The following NGFR variants were observed in gnomAD, a reference collection of about 807,000 sequenced individuals.
The protein encoded by NGFR is nerve growth factor receptor, also known as tumor necrosis factor receptor superfamily member 16.
A neutral mutation model predicts 43.2 loss-of-function variants in NGFR; 30 were observed. That is an observed-to-expected ratio of 0.69 (90% CI 0.52 to 0.94). The LOEUF (loss-of-function observed/expected upper bound fraction) is 0.94, where lower values mean the gene tolerates loss of function less well. Among genes scored for constraint, NGFR ranks in the 40% least tolerant of loss-of-function variants. The pLI, the probability that NGFR is intolerant of heterozygous loss-of-function variation, is 0.00. For synonymous variants in NGFR, 246 were observed against 259.6 expected, an observed-to-expected ratio of 0.95 and a Z score of 0.50; for missense variants, 529 against 602.5, an observed-to-expected ratio of 0.88 and a Z score of 1.28.
At chr17:49,506,701 T>TGGG in intron 3 of NGFR, 43 bp downstream of exon 3, 1 of 148,984 alleles carries the variant, frequency 6.7e-6, no homozygotes, top group East Asian at 1.4e-4. Flanking sequence ...GGTGCGGGGG[T>TGGG]GGGCTGGGGG....
intron 2 of NGFR, among the ~76,000 whole-genome samples, chr17:49,502,791 C>T (rs1487990626): frequency 6.6e-6 from 1 of 151,546 alleles, no homozygotes; most frequent in Non-Finnish European, 1.5e-5. Context: ...AGACGGGGAG[C>T]TGTGCCCATT....
intron 4 of NGFR, chr17:49,510,878 C>T (rs2143445802): frequency 1.7e-6 from 1 of 592,232 alleles, no homozygotes; most frequent in South Asian, 2.0e-5. Flanking sequence ...CTCTCCTGCC[C>T]TGTCCTGGCT....
Position 49,512,032 on chromosome 17 carries a change from C to G in NGFR, c.962C>G (p.Thr321Arg), listed in dbSNP as rs762741911. Residue 321 changes from threonine to arginine, a missense_variant, in exon 5 of 6, where the codon ACG becomes AGG. Coordinates refer to ENST00000172229, the MANE Select transcript of NGFR (RefSeq NM_002507.4). This position sits in a 1 kb window ranked among gnomAD's most constrained non-coding sequence, Gnocchi z 5.2. Reference protein sequence around the residue: ...SQSLHDQQPHTQTASGQALKG... With the variant: ...SQSLHDQQPHRQTASGQALKG... ...AGCCTGCATGACCAGCAGCCCCACA[C>G]GCAGACAGCCTCGGGCCAGGGTGAG... The G allele has an allele frequency of 1.2e-6, 2 of 1,613,570 alleles. No individual in the cohort carries two copies. Among genetic ancestry groups the G allele is most frequent in the Non-Finnish European group, 1.7e-6 (2 of 1,179,838 alleles).
At position 49,511,912 on chromosome 17, in the gene NGFR, A is replaced by T; in HGVS notation, c.842A>T (p.Asn281Ile). The change falls in exon 5 of 6, where the codon AAC becomes ATC. Residue 281 changes from asparagine (N) to isoleucine (I), a missense_variant. By Grantham distance (149) the Asn-to-Ile change is moderately radical. Transcript: ENST00000172229. ...TCCAGGTGGAACAGCTGCAAGCAGA[A>T]CAAGCAAGGAGCCAACAGCCGGCCA... ...AFKRWNSCKQ[N>I]KQGANSRPVN... 1 of 1,610,550 alleles carries T rather than the reference A, an allele frequency of 6.2e-7. No individual in the cohort carries two copies.
Position 49,513,768 on chromosome 17 carries a change from GC to G in NGFR, c.*761del, listed in dbSNP as rs1320091185. 2.0e-5 allele frequency: 3 copies of G among 152,252 alleles called. No homozygotes were observed. Among genetic ancestry groups the G allele is most frequent in the African/African-American group, 7.2e-5 (3 of 41,408 alleles). The allele number at this position is 152,252 out of a possible 1,614,324, so 9.4% of individuals were successfully genotyped here. Reference sequence around the variant, plus strand: ...AATGGCTTGAAGCCAAGTCAGCTTTGCCTTCCACGCTGTCTCCAGACCCCCA... The same window carrying G: ...AATGGCTTGAAGCCAAGTCAGCTTTGCTTCCACGCTGTCTCCAGACCCCCA... On this transcript the variant is annotated 3_prime_UTR_variant, in exon 6 of 6. Coordinates refer to ENST00000172229, the MANE Select transcript of NGFR (RefSeq NM_002507.4).
intron 1 of NGFR, chr17:49,496,562 G>A (rs2071139235): frequency 6.6e-6 from 1 of 152,286 alleles, no homozygotes; most frequent in South Asian, 2.1e-4. Context: ...TACGCAGGCG[G>A]GAGGCGGCAG....
At chr17:49,500,572 A>C (rs983348125) in intron 1 of NGFR, among the ~76,000 whole-genome samples, 35 of 152,294 alleles carry the variant, frequency 2.3e-4, no homozygotes, top group African/African-American at 8.4e-4. Flanking sequence ...TTCCTTGAGG[A>C]AGTGACATTT....
At chr17:49,501,999 A>AGGGGCCCCC in intron 1 of NGFR, 64 bp from the exon 2 acceptor site, 8 of 330,984 alleles carry the variant, frequency 2.4e-5, no homozygotes, top group East Asian at 6.4e-5. Context: ...TCCCCGGAAG[A>AGGGGCCCCC]ACCCCCCCCA....
Position 49,510,446 on chromosome 17 carries a change from C to G in NGFR, c.603C>G (p.Pro201=). ...GCCGTTGGATTACACGGTCCACACC[C>G]CCAGAGGGCTCGGACAGCACAGCCC... The part of the protein sequence containing the change: ...IPGRWITRST[P]PEGSDSTAPS... The change falls in exon 4 of 6, where the codon CCC becomes CCG. Residue 201 remains proline, a synonymous_variant. Transcript: ENST00000172229. The G allele has an allele frequency of 6.2e-7, 1 of 1,614,040 alleles. No individual in the cohort carries two copies. Among genetic ancestry groups the G allele is most frequent in the Non-Finnish European group, 8.5e-7 (1 of 1,179,990 alleles).
Position 49,506,375 on chromosome 17 carries a change from G to A in NGFR, c.285G>A (p.Met95Ile). 6.2e-7 allele frequency: 1 copy of A among 1,600,686 alleles called. No individual in the cohort carries two copies. Among genetic ancestry groups the A allele is most frequent in the Non-Finnish European group, 8.5e-7 (1 of 1,176,856 alleles). Residue 95 changes from methionine (M) to isoleucine (I), a missense_variant, in exon 3 of 6, where the codon ATG becomes ATA. Met to Ile is a conservative substitution (Grantham distance 10). Coordinates refer to ENST00000172229, the MANE Select transcript of NGFR (RefSeq NM_002507.4). ...CCGAGTGCGTGGGGCTCCAGAGCAT[G>A]TCGGCGCCGTGCGTGGAGGCCGACG... ...PCTECVGLQS[M>I]SAPCVEADDA...
Position 49,501,999 on chromosome 17 carries a change from A to ATGGCCCCCCCCCCCCC in NGFR, c.67-64_67-63insTGGCCCCCCCCCCCCC. The ATGGCCCCCCCCCCCCC allele has an allele frequency of 2.1e-5, 7 of 330,984 alleles. 1 individual carries two copies. The highest frequency in any genetic ancestry group is 3.5e-5 in the Admixed American group (1 of 28,320). The allele number at this position is 330,984 out of a possible 1,614,324, so 20.5% of individuals were successfully genotyped here. Reference sequence around the variant, plus strand: ...AGGAGGGTGTTTGATTCCCCGGAAGAACCCCCCCCAACCCACCCCAGCTTT... The same window carrying ATGGCCCCCCCCCCCCC: ...AGGAGGGTGTTTGATTCCCCGGAAGATGGCCCCCCCCCCCCCACCCCCCCCAACCCACCCCAGCTTT... On this transcript the variant is annotated intron_variant, in intron 1 of 5. Coordinates refer to ENST00000172229, the MANE Select transcript of NGFR (RefSeq NM_002507.4).
rs116828180 is a variant in NGFR at position 49,512,044 on chromosome 17, C to T, written c.974C>T (p.Ser325Leu). ...HDQQPHTQTA[S>L]GQALKGDGGL... ...CAGCAGCCCCACACGCAGACAGCCTCGGGCCAGGGTGAGCAGCGGCCCGCT... is the reference window on the plus strand; with the variant it reads ...CAGCAGCCCCACACGCAGACAGCCTTGGGCCAGGGTGAGCAGCGGCCCGCT... The change falls in exon 5 of 6, where the codon TCG (serine) becomes TTG (leucine). Residue 325 changes from serine to leucine, a missense_variant. Physicochemically the swap from Ser to Leu is moderately radical, Grantham distance 145 (BLOSUM62 -2). Transcript: ENST00000172229. This position sits in a 1 kb window ranked among gnomAD's most constrained non-coding sequence, Gnocchi z 5.2. The T allele has an allele frequency of 5.5e-5, 89 of 1,613,186 alleles. No homozygotes were observed. Among genetic ancestry groups the T allele is most frequent in the Non-Finnish European group, 6.9e-5 (81 of 1,179,668 alleles).
In NGFR at chr17:49,510,453, G is replaced by T; in HGVS notation, c.610G>T (p.Gly204Cys). 1 of 1,614,014 alleles carries T rather than the reference G, an allele frequency of 6.2e-7. No individual in the cohort carries two copies. Among genetic ancestry groups the T allele is most frequent in the Non-Finnish European group, 8.5e-7 (1 of 1,179,978 alleles). The change falls in exon 4 of 6, where the codon GGC becomes TGC. Residue 204 changes from glycine to cysteine, a missense_variant. Gly to Cys is a radical substitution (Grantham distance 159). Transcript: ENST00000172229. The part of the protein sequence containing the change: ...RWITRSTPPE[G>C]SDSTAPSTQE... ...GATTACACGGTCCACACCCCCAGAG[G>T]GCTCGGACAGCACAGCCCCCAGCAC...
rs2071228508 is a variant in NGFR, at chr17:49,510,959, C to T, written c.821+295C>T. 9.4e-6 allele frequency: 4 copies of T among 424,758 alleles called. No individual in the cohort carries two copies. In the South Asian group the frequency reaches 1.2e-4, roughly 12 times the overall value. The allele number at this position is 424,758 out of a possible 1,614,324, so 26.3% of individuals were successfully genotyped here. A position where few individuals can be genotyped will look rare whatever the true frequency, so the allele number is the denominator to read the frequency against. On this transcript the variant is annotated intron_variant, in intron 4 of 5. Coordinates refer to ENST00000172229, the MANE Select transcript of NGFR (RefSeq NM_002507.4). ...CCCCAACTGCTTGTGTCCTCATCCCCAACCTCCTTCACCCCACAGTCACCT... is the reference window on the plus strand; with the variant it reads ...CCCCAACTGCTTGTGTCCTCATCCCTAACCTCCTTCACCCCACAGTCACCT...
rs1342695362 is a variant in NGFR at position 49,512,173 on chromosome 17, G to A, written c.982+121G>A. On this transcript the variant is annotated intron_variant, in intron 5 of 5. Transcript: ENST00000172229. This position sits in a 1 kb window ranked among gnomAD's most constrained non-coding sequence, Gnocchi z 5.2. ...GCAGGGCTGGCTCAGCGGTGCCCCTGTAGATGGATGGAGAGGCTGGCCGAG... is the reference window on the plus strand; with the variant it reads ...GCAGGGCTGGCTCAGCGGTGCCCCTATAGATGGATGGAGAGGCTGGCCGAG... 1 of 1,236,398 alleles carries A rather than the reference G, an allele frequency of 8.1e-7. No homozygotes were observed. Among genetic ancestry groups the A allele is most frequent in the Middle Eastern group, 2.8e-4 (1 of 3,566 alleles). 76.6% of individuals were successfully genotyped at this position (1,236,398 alleles called of 1,614,324 possible).
rs191239545 is a variant in NGFR, at chr17:49,495,666, G to A, written c.66+183G>A. ...GGTCTAGGGTTCCCGGAGCGCAGAG[G>A]CGACTCTCCAGGGTGGAGATGAGGG... On this transcript the variant is annotated intron_variant, in intron 1 of 5. Transcript: ENST00000172229. This position sits in a 1 kb window ranked among gnomAD's most constrained non-coding sequence, Gnocchi z 6.4. The A allele has an allele frequency of 1.7e-3, 859 of 501,274 alleles. 8 individuals carry two copies. In the East Asian group the frequency reaches 0.023, roughly 13 times the overall value. The allele number at this position is 501,274 out of a possible 1,614,324, so 31.1% of individuals were successfully genotyped here.
chr17:49,510,405 C>G lies in NGFR; in HGVS notation c.569-7C>G, dbSNP rs1177380367. 3.1e-6 allele frequency: 5 copies of G among 1,612,586 alleles called. No homozygotes were observed. Among genetic ancestry groups the G allele is most frequent in the Non-Finnish European group, 4.2e-6 (5 of 1,179,036 alleles). ...TGGGTCCTCACTCCTGTGGCCTTTT[C>G]TCCCAGAGATCCCTGGCCGTTGGAT... On this transcript the variant is annotated splice_polypyrimidine_tract_variant and splice_region_variant and intron_variant, in intron 3 of 5. Coordinates refer to ENST00000172229, the MANE Select transcript of NGFR (RefSeq NM_002507.4).
chr17:49,499,119 T>C (rs1270688106), intron 1 of NGFR, among the ~76,000 whole-genome samples: 2 of 152,192 alleles, frequency 1.3e-5, no homozygotes, highest in African/African-American at 2.4e-5. Flanking sequence ...TTTTACAACA[T>C]AGGGAACATA....
intron 1 of NGFR, 63 bp from the exon 2 acceptor site, chr17:49,502,000 A>ACGGGGCCCC: frequency 3.8e-6 from 1 of 264,886 alleles, no homozygotes; most frequent in Non-Finnish European, 7.9e-6. Context: ...CCCCGGAAGA[A>ACGGGGCCCC]CCCCCCCCAA....
Sources: gnomAD v4.1 joint callset for allele counts (sites outside exome capture counted in the v4.1 genomes callset) on GRCh38, gnomAD v4.1.1 for gene constraint, Gnocchi (gnomAD v3.1) non-coding constraint, MANE v1.5 for transcripts, NCBI Gene and HGNC (gene_info 2026-07-23, HGNC 2026-07-21) for gene names.